The following EXOC6B variants were observed in gnomAD, a reference collection of about 807,000 sequenced individuals.
EXOC6B encodes the protein exocyst complex component 6B.
A neutral mutation model predicts 113.5 loss-of-function variants in EXOC6B; 54 were observed. That is an observed-to-expected ratio of 0.48 (90% confidence interval 0.38 to 0.60). EXOC6B has a LOEUF of 0.60. EXOC6B is among the 20% of genes least tolerant of loss of function. The pLI is 0.00. For missense variants in EXOC6B, 797 were observed against 977.5 expected (o/e 0.82, Z 2.46); for synonymous variants, 357 against 339.0 (o/e 1.05, Z -0.58).
intron 18 of EXOC6B, among the ~76,000 whole-genome samples, chr2:72,402,856 T>A (rs1693430840): frequency 6.6e-6 from 1 of 152,216 alleles, no homozygotes; most frequent in Non-Finnish European, 1.5e-5. Flanking sequence ...TTGCAAAGAC[T>A]ATATTCCATC....
rs764491722 is a variant in EXOC6B, at chr2:72,575,679, G to A, written c.670-11C>T. On this transcript the variant is annotated splice_polypyrimidine_tract_variant and intron_variant, in intron 6 of 21. Transcript: ENST00000272427. ...TCTTTGCTGCTGGGCCTAGGATAGA[G>A]AAGAACACACACAAACACACCAAAA... The A allele has an allele frequency of 6.4e-7, 1 of 1,572,342 alleles. No homozygotes were observed. Among genetic ancestry groups the A allele is most frequent in the South Asian group, 1.2e-5 (1 of 83,604 alleles).
chr2:72,597,520 T>C (rs1455852135), intron 6 of EXOC6B, among the ~76,000 whole-genome samples: 1 of 151,866 alleles, frequency 6.6e-6, no homozygotes, highest in Non-Finnish European at 1.5e-5. Flanking sequence ...AAAAAAGATT[T>C]TTTTAAAGGA....
chr2:72,509,347 G>A (rs933423619), intron 11 of EXOC6B, among the ~76,000 whole-genome samples: 11 of 152,094 alleles, frequency 7.2e-5, no homozygotes, highest in Admixed American at 7.2e-4. Context: ...ACAGTAGCCT[G>A]AGCCCACTAA....
intron 18 of EXOC6B, among the ~76,000 whole-genome samples, chr2:72,401,611 A>G (rs1249972682): frequency 1.0e-4 from 5 of 48,100 alleles, no homozygotes; most frequent in Admixed American, 2.9e-4. Context: ...ATGTGTATAT[A>G]TATATATATA....
chr2:72,819,780 G>A (rs2105167713), intron 1 of EXOC6B, among the ~76,000 whole-genome samples: 1 of 152,250 alleles, frequency 6.6e-6, no homozygotes, highest in Middle Eastern at 3.4e-3. Flanking sequence ...GAGAGAGAGA[G>A]AAAGCATCAT....
At chr2:72,820,594 A>T (rs1686526966) in intron 1 of EXOC6B, among the ~76,000 whole-genome samples, 1 of 152,158 alleles carries the variant, frequency 6.6e-6, no homozygotes, top group African/African-American at 2.4e-5. Flanking sequence ...AGAATACTAA[A>T]TGAAGGAAGT....
chr2:72,455,010 T>C (rs1454535641), intron 18 of EXOC6B, among the ~76,000 whole-genome samples: 2 of 151,962 alleles, frequency 1.3e-5, no homozygotes, highest in African/African-American at 4.8e-5. Flanking sequence ...AATCTCTTGA[T>C]AGGCAGAAAA....
At chr2:72,305,075 C>T (rs34236294) in intron 20 of EXOC6B, among the ~76,000 whole-genome samples, 1,672 of 152,196 alleles carry the variant, frequency 0.011, 7 homozygotes, top group Non-Finnish European at 0.017. Flanking sequence ...CACCATATGA[C>T]AGGTAGTATG....
intron 18 of EXOC6B, among the ~76,000 whole-genome samples, chr2:72,418,582 C>T (rs111407806): frequency 1.3e-5 from 2 of 152,090 alleles, no homozygotes; most frequent in Non-Finnish European, 2.9e-5. Flanking sequence ...TTTCTTGCAA[C>T]CTTTATTGAT....
intron 20 of EXOC6B, among the ~76,000 whole-genome samples, chr2:72,225,130 G>A (rs190367358): frequency 1.9e-4 from 29 of 151,150 alleles, no homozygotes; most frequent in African/African-American, 7.0e-4. Context: ...GGGATTATAG[G>A]CATGAGGCAC....
At chr2:72,275,643 T>C (rs1478217282) in intron 20 of EXOC6B, among the ~76,000 whole-genome samples, 2 of 152,172 alleles carry the variant, frequency 1.3e-5, no homozygotes, top group Non-Finnish European at 2.9e-5. Context: ...AAAAAAGATA[T>C]AATCTTTCTA....
chr2:72,266,718 G>T (rs1030226726), intron 20 of EXOC6B, among the ~76,000 whole-genome samples: 41 of 152,302 alleles, frequency 2.7e-4, no homozygotes, highest in African/African-American at 9.6e-4. Context: ...TTTTGGCTTA[G>T]GATTGACTTG....
chr2:72,725,783 G>A (rs1680264162), intron 5 of EXOC6B, among the ~76,000 whole-genome samples: 1 of 152,152 alleles, frequency 6.6e-6, no homozygotes, highest in Non-Finnish European at 1.5e-5. Context: ...AGGTGCTTTG[G>A]AAAAGAATCT....
chr2:72,669,952 T>C (rs1036838921), intron 6 of EXOC6B, among the ~76,000 whole-genome samples: 9 of 152,218 alleles, frequency 5.9e-5, no homozygotes, highest in Non-Finnish European at 1.3e-4. Context: ...ATGAAATATG[T>C]TTTGCACAGC....
At chr2:72,399,749 C>G (rs1205449800) in intron 18 of EXOC6B, among the ~76,000 whole-genome samples, 2 of 151,982 alleles carry the variant, frequency 1.3e-5, no homozygotes, top group Non-Finnish European at 2.9e-5. Flanking sequence ...TAAAAGATTG[C>G]TACAAGGAAA....
chr2:72,611,925 T>G (rs961510993), intron 6 of EXOC6B, among the ~76,000 whole-genome samples: 76 of 152,096 alleles, frequency 5.0e-4, no homozygotes, highest in African/African-American at 1.8e-3. Flanking sequence ...CATACACAAC[T>G]ATACTGACAA....
chr2:72,254,088 A>G (rs1683193422), intron 20 of EXOC6B, among the ~76,000 whole-genome samples: 2 of 151,394 alleles, frequency 1.3e-5, no homozygotes, highest in South Asian at 4.2e-4. Flanking sequence ...TGAACCCAGG[A>G]GGAGGAGGTT....
At chr2:72,547,665 T>C (rs558033493) in intron 8 of EXOC6B, among the ~76,000 whole-genome samples, 1 of 152,266 alleles carries the variant, frequency 6.6e-6, no homozygotes, top group African/African-American at 2.4e-5. Context: ...GATGTTTCAT[T>C]GTATAAAGGA....
chr2:72,686,352 G>A (rs760258805), intron 6 of EXOC6B, among the ~76,000 whole-genome samples: 16 of 152,176 alleles, frequency 1.1e-4, no homozygotes, highest in African/African-American at 1.4e-4. Flanking sequence ...AATTCACTGA[G>A]TTAATAAGGT....
Sources: gnomAD v4.1 joint callset for allele counts (sites outside exome capture counted in the v4.1 genomes callset) on GRCh38, gnomAD v4.1.1 for gene constraint, MANE v1.5 for transcripts, NCBI Gene and HGNC (gene_info 2026-07-23, HGNC 2026-07-21) for gene names.